Variants in ZNF804A observed in about 807,000 individuals in gnomAD.
The protein encoded by ZNF804A is zinc finger protein 804A.
Under a neutral mutation model 16.5 loss-of-function variants are expected in ZNF804A, and 2 were observed. That is an observed-to-expected ratio of 0.12 (90% confidence interval 0.05 to 0.38). ZNF804A has a LOEUF of 0.38. Among genes scored for constraint, ZNF804A ranks in the 10% least tolerant of loss-of-function variants. The pLI is 0.99. For missense variants in ZNF804A, 1,473 were observed against 1,390.7 expected (o/e 1.06, Z -0.94); for synonymous variants, 534 against 489.6 (o/e 1.09, Z -1.20).
intron 2 of ZNF804A, among the ~76,000 whole-genome samples, chr2:184,920,232 C>G (rs994424652): frequency 1.1e-4 from 16 of 152,134 alleles, no homozygotes; most frequent in Admixed American, 3.3e-4. Flanking sequence ...TTTCCTCTGT[C>G]AAATGTCACT....
At chr2:184,634,650 C>T (rs1226516660) in intron 1 of ZNF804A, among the ~76,000 whole-genome samples, 3 of 152,052 alleles carry the variant, frequency 2.0e-5, no homozygotes, top group Non-Finnish European at 2.9e-5. Context: ...TGCAGTTGGC[C>T]TCTAGAAGCA....
intron 1 of ZNF804A, among the ~76,000 whole-genome samples, chr2:184,693,841 A>C (rs1188982865): frequency 6.6e-6 from 1 of 152,042 alleles, no homozygotes; most frequent in Non-Finnish European, 1.5e-5. Context: ...GCATAAAAAT[A>C]GCCAAATAAA....
intron 1 of ZNF804A, among the ~76,000 whole-genome samples, chr2:184,777,760 G>T (rs539385975): frequency 1.3e-5 from 2 of 151,532 alleles, no homozygotes; most frequent in Non-Finnish European, 3.0e-5. Context: ...CATGAAATGT[G>T]TTTAGTGGGT....
chr2:184,780,185 T>C (rs1443833408), intron 1 of ZNF804A, among the ~76,000 whole-genome samples: 4 of 151,766 alleles, frequency 2.6e-5, no homozygotes, highest in Non-Finnish European at 4.4e-5. Context: ...TGCCAGGTTT[T>C]ACAACTGGCC....
chr2:184,822,590 T>C (rs1379601540), intron 1 of ZNF804A, among the ~76,000 whole-genome samples: 1 of 152,130 alleles, frequency 6.6e-6, no homozygotes, highest in Non-Finnish European at 1.5e-5. Context: ...GAAAGAGTAG[T>C]GTCTAAGAGT....
At chr2:184,863,749 T>C (rs1695834350) in intron 1 of ZNF804A, among the ~76,000 whole-genome samples, 1 of 152,212 alleles carries the variant, frequency 6.6e-6, no homozygotes, top group South Asian at 2.1e-4. Context: ...GATTAGAATG[T>C]TATCTCTGCC....
chr2:184,862,471 T>A (rs1041196716), intron 1 of ZNF804A, among the ~76,000 whole-genome samples: 1 of 152,198 alleles, frequency 6.6e-6, no homozygotes, highest in Non-Finnish European at 1.5e-5. Flanking sequence ...CTGGCTCAAA[T>A]GTTTGTAATT....
chr2:184,916,908 A>G (rs1002604196), intron 2 of ZNF804A, among the ~76,000 whole-genome samples: 2 of 151,998 alleles, frequency 1.3e-5, no homozygotes, highest in Non-Finnish European at 2.9e-5. Context: ...TGCATAGGTA[A>G]TCTGTCAAAG....
intron 1 of ZNF804A, among the ~76,000 whole-genome samples, chr2:184,720,795 G>C (rs1009376120): frequency 6.6e-6 from 1 of 151,934 alleles, no homozygotes; most frequent in African/African-American, 2.4e-5. Flanking sequence ...ACCTCAAATA[G>C]CCAAAGCAAT....
intron 1 of ZNF804A, among the ~76,000 whole-genome samples, chr2:184,658,561 T>C (rs2105704762): frequency 6.6e-6 from 1 of 152,142 alleles, no homozygotes; most frequent in South Asian, 2.1e-4. Context: ...GTATTTAGAC[T>C]ATGGAGGAGA....
intron 1 of ZNF804A, among the ~76,000 whole-genome samples, chr2:184,770,833 C>T (rs934593679): frequency 3.9e-5 from 6 of 151,946 alleles, no homozygotes; most frequent in African/African-American, 1.4e-4. Flanking sequence ...TTGTGGAAAA[C>T]TGGCAGTGTC....
intron 1 of ZNF804A, among the ~76,000 whole-genome samples, chr2:184,840,405 G>A (rs1406725677): frequency 1.3e-5 from 2 of 151,922 alleles, no homozygotes; most frequent in African/African-American, 4.8e-5. Context: ...AAAAGTCAAT[G>A]AGACTCAAAT....
chr2:184,632,531 G>A (rs1691630202), intron 1 of ZNF804A, among the ~76,000 whole-genome samples: 1 of 152,148 alleles, frequency 6.6e-6, no homozygotes, highest in African/African-American at 2.4e-5. Flanking sequence ...GAGTATCTGG[G>A]ATTACAGGGG....
chr2:184,843,703 A>G (rs1199304883), intron 1 of ZNF804A, among the ~76,000 whole-genome samples: 2 of 152,070 alleles, frequency 1.3e-5, no homozygotes, highest in Non-Finnish European at 2.9e-5. Context: ...TTTTTCTACC[A>G]TCTCTAGTAA....
At chr2:184,605,179 T>A (rs1225976185) in intron 1 of ZNF804A, among the ~76,000 whole-genome samples, 1 of 152,130 alleles carries the variant, frequency 6.6e-6, no homozygotes, top group Non-Finnish European at 1.5e-5. Flanking sequence ...ACTGAGATAG[T>A]ACTGTTGAAG....
At chr2:184,716,441 T>G (rs1249959831) in intron 1 of ZNF804A, among the ~76,000 whole-genome samples, 2 of 152,196 alleles carry the variant, frequency 1.3e-5, no homozygotes, top group Admixed American at 6.6e-5. Flanking sequence ...TTAAAATCAG[T>G]AAAAATTGCA....
intron 1 of ZNF804A, among the ~76,000 whole-genome samples, chr2:184,862,060 T>G (rs991432337): frequency 6.6e-6 from 1 of 152,190 alleles, no homozygotes; most frequent in Non-Finnish European, 1.5e-5. Flanking sequence ...AGTGACACAG[T>G]ACAGAAACTG....
intron 1 of ZNF804A, among the ~76,000 whole-genome samples, chr2:184,690,220 T>G (rs1335803893): frequency 6.7e-6 from 1 of 149,646 alleles, no homozygotes. Context: ...ATAATAAAAA[T>G]GTTAAAGCTA....
At chr2:184,788,241 G>A (rs766867874) in intron 1 of ZNF804A, among the ~76,000 whole-genome samples, 2 of 151,880 alleles carry the variant, frequency 1.3e-5, no homozygotes, top group African/African-American at 2.4e-5. Context: ...TGTTACTATA[G>A]CCTTATAGTA....
Sources: gnomAD v4.1 joint callset for allele counts (sites outside exome capture counted in the v4.1 genomes callset) on GRCh38, gnomAD v4.1.1 for gene constraint, MANE v1.5 for transcripts, NCBI Gene and HGNC (gene_info 2026-07-23, HGNC 2026-07-21) for gene names.